STAT5B: variants seen among roughly 807,000 people sequenced by gnomAD.
The protein encoded by STAT5B is signal transducer and activator of transcription 5B.
Under a neutral mutation model 107.8 loss-of-function variants are expected in STAT5B, and 21 were observed. That is an observed-to-expected ratio of 0.19 (90% CI 0.14 to 0.28). The LOEUF is 0.28. Among genes scored for constraint, STAT5B ranks in the 10% least tolerant of loss-of-function variants. The pLI is 1.00. For missense variants in STAT5B, 565 were observed against 1,008.2 expected, an observed-to-expected ratio of 0.56 and a Z score of 5.95; for synonymous variants, 325 against 401.7, an observed-to-expected ratio of 0.81 and a Z score of 2.28.
intron 1 of STAT5B, among the ~76,000 whole-genome samples, chr17:42,232,841 T>G (rs1047035087): frequency 1.6e-5 from 2 of 125,302 alleles, no homozygotes; most frequent in East Asian, 2.2e-4. Context: ...TAGCAGAGAG[T>G]TTTTTTTTTT....
rs148286833 is a variant in STAT5B, at chr17:42,209,667, C to T, written c.1906+504G>A. On this transcript the variant is annotated intron_variant, in intron 15 of 18. Transcript: ENST00000293328. ...AGGCTGCAGTGAGCCATGTTTGTGC[C>T]GCTGCACTCCAGCCCGGGCAAAAGA... is the stretch of plus-strand genomic sequence containing the variant. 9.6e-3 allele frequency among the ~76,000 whole-genome samples: 1,466 copies of T among 152,184 alleles called. 19 individuals are homozygous for T. Among genetic ancestry groups the T allele is most frequent in the Non-Finnish European group, 0.011 (745 of 68,016 alleles).
chr17:42,249,639 C>A (rs1437566742), intron 1 of STAT5B, among the ~76,000 whole-genome samples: 6 of 151,716 alleles, frequency 4.0e-5, no homozygotes, highest in African/African-American at 1.5e-4. Flanking sequence ...AAACACATAA[C>A]AAAAAGGGGA....
chr17:42,217,273 G>A lies in STAT5B; in HGVS notation c.1267C>T (p.Arg423Ter). The A allele has an allele frequency of 1.2e-6, 2 of 1,614,104 alleles. No homozygotes were observed. The highest frequency in any genetic ancestry group is 1.7e-6 in the Non-Finnish European group (2 of 1,180,028). ...SAHFRNMSLK[R>*]IKRSDRRGAE... ...CCACGACGGTCTGACCTCTTAATTC[G>A]TTTCAGGGACTACAAAGAAGAAACA... Residue 423 changes from arginine to a stop codon, truncating the protein, a stop_gained, in exon 11 of 19, where the codon CGA becomes TGA. Coordinates refer to ENST00000293328, the MANE Select transcript of STAT5B (RefSeq NM_012448.4). LOFTEE classifies it high-confidence loss of function.
At chr17:42,220,325 A>G (rs1311161151) in intron 5 of STAT5B, among the ~76,000 whole-genome samples, 1 of 152,194 alleles carries the variant, frequency 6.6e-6, no homozygotes, top group Non-Finnish European at 1.5e-5. Flanking sequence ...ACATGAGGAC[A>G]TGGAAGATGC....
At chr17:42,227,136 A>AAAATAAATAAATAAATAAATAAATAAAT (rs68033349) in intron 3 of STAT5B, among the ~76,000 whole-genome samples, 5 of 132,222 alleles carry the variant, frequency 3.8e-5, no homozygotes, top group African/African-American at 5.7e-5. Flanking sequence ...CTCCGTCTCA[A>AAAATAAATAAATAAATAAATAAATAAAT]AAATAAATAA....
At chr17:42,233,635 C>T (rs1454395994) in intron 1 of STAT5B, among the ~76,000 whole-genome samples, 1 of 151,862 alleles carries the variant, frequency 6.6e-6, no homozygotes, top group Non-Finnish European at 1.5e-5. Context: ...GGACTACAGG[C>T]GCCCGCCACC....
rs61755324 is a variant in STAT5B, at chr17:42,223,407, C to T, written c.525G>A (p.Gln175=). The change falls in exon 5 of 19, where the codon CAG becomes CAA. Residue 175 remains glutamine, a synonymous_variant. Coordinates refer to ENST00000293328, the MANE Select transcript of STAT5B (RefSeq NM_012448.4). ...LQQTQEYFII[Q]YQESLRIQAQ... is the part of the protein sequence containing the mutation. The stretch of plus-strand genomic sequence containing the variant: ...CTTGGATCCTCAGGCTCTCCTGGTA[C>T]TGGATGATGAAGTACTCCTGAGTCT... The T allele has an allele frequency of 3.5e-5, 57 of 1,614,104 alleles. No homozygotes were observed. Among genetic ancestry groups the T allele is most frequent in the Non-Finnish European group, 4.7e-5 (55 of 1,180,050 alleles).
At chr17:42,225,071 T>C (rs541144084) in intron 3 of STAT5B, among the ~76,000 whole-genome samples, 6 of 152,282 alleles carry the variant, frequency 3.9e-5, no homozygotes, top group East Asian at 1.9e-4. Flanking sequence ...TTTTCTTTTT[T>C]TGAGACTGAG....
At position 42,216,063 on chromosome 17, in the gene STAT5B, T is replaced by C; in HGVS notation, c.1424A>G (p.Asp475Gly). ...PVVVIVHGSQ[D>G]NNATATVLWD... ...GAGAACAGTGGCCGTCGCATTGTTG[T>C]CCTGGCTGCCATGAACGATCACCAC... The change falls in exon 12 of 19, where the codon GAC becomes GGC. Residue 475 changes from aspartate (D) to glycine (G), a missense_variant. This residue lies in a region of STAT5B where 127 missense variants were observed against 215.8 expected (regional missense o/e 0.59). Transcript: ENST00000293328. 1 of 1,613,942 alleles carries C rather than the reference T, an allele frequency of 6.2e-7. No individual in the cohort carries two copies. Among genetic ancestry groups the C allele is most frequent in the Non-Finnish European group, 8.5e-7 (1 of 1,179,978 alleles).
At chr17:42,269,053 G>T (rs559212750) in intron 1 of STAT5B, among the ~76,000 whole-genome samples, 6 of 152,036 alleles carry the variant, frequency 3.9e-5, no homozygotes, top group Non-Finnish European at 8.8e-5. Flanking sequence ...CTTGCCACCA[G>T]CTATAGGCTC....
At chr17:42,214,712 C>T in intron 12 of STAT5B, 1 of 903,910 alleles carries the variant, frequency 1.1e-6, no homozygotes. Flanking sequence ...ATGGACTAAT[C>T]TCTATTGGAA....
At chr17:42,232,281 C>T in intron 1 of STAT5B, 144 bp from the exon 2 acceptor site, 2 of 880,398 alleles carry the variant, frequency 2.3e-6, no homozygotes, top group Non-Finnish European at 2.9e-6. Flanking sequence ...GACAGTCTCG[C>T]TCTGCCACCC....
chr17:42,281,155 A>AC (rs1180894880), upstream of STAT5B, among the ~76,000 whole-genome samples: 1 of 151,960 alleles, frequency 6.6e-6, no homozygotes. Flanking sequence ...ACAAAAACAA[A>AC]AACAAAAAAA....
intron 9 of STAT5B, 170 bp from the exon 10 acceptor site, chr17:42,217,634 TCTA>T (rs2080183637): frequency 1.4e-6 from 1 of 697,908 alleles, no homozygotes; most frequent in Non-Finnish European, 2.5e-6. Flanking sequence ...CGGACGTATC[TCTA>T]CAAAATGAAA....
At chr17:42,262,879 T>C (rs1279245522) in intron 1 of STAT5B, among the ~76,000 whole-genome samples, 6 of 125,298 alleles carry the variant, frequency 4.8e-5, no homozygotes, top group South Asian at 2.4e-4. Context: ...TGTGTATATA[T>C]ACACATATAT....
intron 12 of STAT5B, among the ~76,000 whole-genome samples, chr17:42,215,442 A>T (rs1051169957): frequency 3.3e-5 from 5 of 152,160 alleles, no homozygotes; most frequent in African/African-American, 1.2e-4. Flanking sequence ...TGTGCTGCAG[A>T]CACTTGCTGG....
In STAT5B at chr17:42,212,183, A is replaced by T. The variant is rs778265187; in HGVS notation, c.1481T>A (p.Val494Glu). Reference protein sequence around the residue: ...WDNAFAEPGRVPFAVPDKVLW... With the variant: ...WDNAFAEPGREPFAVPDKVLW... ...CACTTTGTCAGGCACGGCAAATGGC[A>T]CCCTGCCCTGAGAGGGAGAGAGGCC... The change falls in exon 13 of 19, where the codon GTG becomes GAG. Residue 494 changes from valine (V) to glutamate (E), a missense_variant. Physicochemically the swap from Val to Glu is moderately radical, Grantham distance 121. This residue lies in a region of STAT5B where 127 missense variants were observed against 215.8 expected (regional missense o/e 0.59). Coordinates refer to ENST00000293328, the MANE Select transcript of STAT5B (RefSeq NM_012448.4). 16 of 1,614,062 alleles carry T rather than the reference A, an allele frequency of 9.9e-6. No individual in the cohort carries two copies. The highest frequency in any genetic ancestry group is 1.4e-5 in the Non-Finnish European group (16 of 1,180,042).
chr17:42,245,073 ATTTTT>A (rs745914040), intron 1 of STAT5B, among the ~76,000 whole-genome samples: 5 of 105,502 alleles, frequency 4.7e-5, no homozygotes, highest in African/African-American at 1.6e-4. Flanking sequence ...TGCCTGGCTA[ATTTTT>A]TTTTTTTTTT....
chr17:42,240,374 T>C (rs1403553578), intron 1 of STAT5B, among the ~76,000 whole-genome samples: 3 of 152,210 alleles, frequency 2.0e-5, no homozygotes, highest in Admixed American at 6.5e-5. Flanking sequence ...GAAATCATTA[T>C]GTAAAGTGAA....
Sources: gnomAD v4.1 joint callset for allele counts (sites outside exome capture counted in the v4.1 genomes callset) on GRCh38, gnomAD v4.1.1 for gene constraint, gnomAD v4.1.1 regional missense constraint, MANE v1.5 for transcripts, NCBI Gene and HGNC (gene_info 2026-07-23, HGNC 2026-07-21) for gene names.